Variants in DLC1 observed in about 807,000 individuals in gnomAD.
DLC1 encodes DLC1 Rho GTPase activating protein.
In DLC1, 54 loss-of-function variants were observed where a neutral mutation model predicts 140.3. The observed-to-expected ratio is 0.38, with a 90% confidence interval of 0.31 to 0.48. DLC1 has a LOEUF of 0.48. Ranked by LOEUF, DLC1 falls within the 20% of genes least tolerant of loss-of-function variation. The probability of loss-of-function intolerance (pLI) is 0.96; values close to 1 mark genes in which losing one functional copy is unlikely to be tolerated. For synonymous variants in DLC1, 986 were observed against 728.1 expected, an observed-to-expected ratio of 1.35 and a Z score of -5.70; for missense variants, 2,536 against 1,907.0, an observed-to-expected ratio of 1.33 and a Z score of -6.14.
At chr8:13,346,738 T>C (rs1262012114) in intron 4 of DLC1, among the ~76,000 whole-genome samples, 3 of 152,206 alleles carry the variant, frequency 2.0e-5, no homozygotes, top group Non-Finnish European at 4.4e-5. Flanking sequence ...CAGTCTCCTT[T>C]TTATTTCAAG....
intron 7 of DLC1, 106 bp from the exon 8 acceptor site, chr8:13,102,959 C>T (rs1209068133): frequency 1.1e-6 from 1 of 903,350 alleles, no homozygotes; most frequent in African/African-American, 1.7e-5. Flanking sequence ...TTTCTTGAAA[C>T]TCAGTAATAC....
chr8:13,496,633 T>C (rs867404378), intron 2 of DLC1, among the ~76,000 whole-genome samples: 3 of 151,954 alleles, frequency 2.0e-5, no homozygotes, highest in Admixed American at 1.3e-4. Flanking sequence ...AAGATTTGGC[T>C]GTCTATACAT....
chr8:13,084,500 A>G lies in DLC1; in HGVS notation c.*1311T>C, dbSNP rs1238495824. 3 of 152,504 alleles carry G rather than the reference A, an allele frequency of 2.0e-5. No individual in the cohort carries two copies. Among genetic ancestry groups the G allele is most frequent in the African/African-American group, 4.8e-5 (2 of 41,402 alleles). 9.4% of individuals were successfully genotyped at this position (152,504 alleles called of 1,614,324 possible). ...AAACCTGAATAAAGACCACCCTTCT[A>G]AAGGTTCTAAAAAACTTCACTGGTT... On this transcript the variant is annotated 3_prime_UTR_variant, in exon 18 of 18. Transcript: ENST00000276297.
chr8:13,343,504 C>A (rs562103634), intron 4 of DLC1, among the ~76,000 whole-genome samples: 14 of 152,310 alleles, frequency 9.2e-5, no homozygotes, highest in African/African-American at 3.4e-4. Context: ...TGATTGTCTA[C>A]TCTGCACAAG....
At chr8:13,395,273 C>T (rs2117223971) in intron 3 of DLC1, among the ~76,000 whole-genome samples, 1 of 152,106 alleles carries the variant, frequency 6.6e-6, no homozygotes, top group East Asian at 1.9e-4. Flanking sequence ...AGGTGCACAC[C>T]ACCACACCCA....
chr8:13,177,008 C>G (rs1004722405), intron 5 of DLC1, among the ~76,000 whole-genome samples: 3 of 152,160 alleles, frequency 2.0e-5, no homozygotes, highest in African/African-American at 7.2e-5. Context: ...GGATACAGCC[C>G]TGCTGCCATC....
At chr8:13,308,050 G>A (rs1267277488) in intron 4 of DLC1, among the ~76,000 whole-genome samples, 1 of 152,162 alleles carries the variant, frequency 6.6e-6, no homozygotes, top group African/African-American at 2.4e-5. Flanking sequence ...CAAGTTGAAA[G>A]CTTTGCCCCA....
At chr8:13,229,863 A>G (rs150902789) in intron 5 of DLC1, among the ~76,000 whole-genome samples, 111 of 152,340 alleles carry the variant, frequency 7.3e-4, no homozygotes, top group African/African-American at 2.3e-3. Flanking sequence ...TATCGGAAAC[A>G]TTTCCATCTT....
At chr8:13,300,375 A>C (rs778144681) in intron 5 of DLC1, among the ~76,000 whole-genome samples, 3 of 152,226 alleles carry the variant, frequency 2.0e-5, no homozygotes, top group Non-Finnish European at 4.4e-5. Context: ...GCAAACCACC[A>C]TGACACACGT....
At chr8:13,287,050 A>G (rs1831558282) in intron 5 of DLC1, among the ~76,000 whole-genome samples, 1 of 152,188 alleles carries the variant, frequency 6.6e-6, no homozygotes. Context: ...TTTTGTGTGT[A>G]TATGTGTTGG....
At chr8:13,213,484 A>G (rs1365432338) in intron 5 of DLC1, among the ~76,000 whole-genome samples, 1 of 152,256 alleles carries the variant, frequency 6.6e-6, no homozygotes, top group Non-Finnish European at 1.5e-5. Context: ...TTAGAAAATA[A>G]TTGGTTTTAA....
intron 1 of DLC1, among the ~76,000 whole-genome samples, chr8:13,597,346 C>T (rs997198690): frequency 1.3e-5 from 2 of 152,014 alleles, no homozygotes; most frequent in Non-Finnish European, 2.9e-5. Flanking sequence ...AACCGTATTG[C>T]TTCTCCCATT....
chr8:13,567,569 A>C (rs748570647), intron 1 of DLC1: 2 of 1,551,820 alleles, frequency 1.3e-6, no homozygotes, highest in South Asian at 2.4e-5. Context: ...GCAGCTAAGC[A>C]ACACATATCT....
chr8:13,599,389 T>C (rs1376228331), intron 1 of DLC1, among the ~76,000 whole-genome samples: 1 of 151,988 alleles, frequency 6.6e-6, no homozygotes, highest in Non-Finnish European at 1.5e-5. Flanking sequence ...TCAATATCTA[T>C]GGGACATTTT....
intron 3 of DLC1, among the ~76,000 whole-genome samples, chr8:13,397,632 C>A (rs533862070): frequency 2.0e-5 from 3 of 150,790 alleles, no homozygotes; most frequent in East Asian, 3.9e-4. Context: ...AGCTCTAGAC[C>A]AGCCTGGGCA....
intron 5 of DLC1, among the ~76,000 whole-genome samples, chr8:13,163,853 C>CA (rs1824902332): frequency 6.6e-6 from 1 of 151,928 alleles, no homozygotes. Flanking sequence ...AGAATAACCC[C>CA]AAAATTAGCC....
chr8:13,457,987 A>G (rs571093298), intron 2 of DLC1, among the ~76,000 whole-genome samples: 2 of 152,272 alleles, frequency 1.3e-5, no homozygotes, highest in Admixed American at 6.5e-5. Flanking sequence ...AATAGGTTCA[A>G]GAAGGACCAA....
At chr8:13,144,174 A>T (rs965293899) in intron 5 of DLC1, among the ~76,000 whole-genome samples, 1 of 152,240 alleles carries the variant, frequency 6.6e-6, no homozygotes, top group Non-Finnish European at 1.5e-5. Flanking sequence ...CTGAGCACCC[A>T]GATAGAACAC....
intron 4 of DLC1, chr8:13,353,654 C>G (rs994255488): frequency 2.0e-5 from 3 of 152,114 alleles, no homozygotes; most frequent in South Asian, 2.1e-4. Flanking sequence ...GTCAGGAATT[C>G]AAGACCAGCC....
Sources: allele counts gnomAD v4.1 joint callset (sites outside exome capture counted in the v4.1 genomes callset), GRCh38; gene constraint gnomAD v4.1.1; transcripts MANE v1.5; gene names NCBI Gene and HGNC (gene_info 2026-07-23, HGNC 2026-07-21).